The following IDH1 variants were observed in gnomAD, a reference collection of about 807,000 sequenced individuals.
IDH1 encodes isocitrate dehydrogenase [NADP] cytoplasmic.
Under a neutral mutation model 46.1 loss-of-function variants are expected in IDH1, and 33 were observed. That is an observed-to-expected ratio of 0.72 (90% CI 0.54 to 0.96). IDH1 has a LOEUF of 0.96. IDH1 is among the 40% of genes least tolerant of loss of function. IDH1 has a pLI of 0.00. For missense variants in IDH1, 421 were observed against 515.7 expected (o/e 0.82, Z 1.78); for synonymous variants, 144 against 172.8 (o/e 0.83, Z 1.31).
At chr2:208,250,262 C>G (rs1303099605) in intron 3 of IDH1, among the ~76,000 whole-genome samples, 1 of 150,602 alleles carries the variant, frequency 6.6e-6, no homozygotes, top group Non-Finnish European at 1.5e-5. Flanking sequence ...AGTTCACCTA[C>G]TGTCATGTAA....
At chr2:208,246,813 T>A (rs1483518687) in intron 4 of IDH1, among the ~76,000 whole-genome samples, 1 of 151,850 alleles carries the variant, frequency 6.6e-6, no homozygotes, top group Non-Finnish European at 1.5e-5. Context: ...CATGGTAGCA[T>A]GTGCCTGTAA....
chr2:208,251,013 A>G (rs1424829829), intron 3 of IDH1, among the ~76,000 whole-genome samples: 2 of 152,236 alleles, frequency 1.3e-5, no homozygotes, highest in Non-Finnish European at 2.9e-5. Flanking sequence ...CTTCACAGGA[A>G]ACAGAAGGTT....
chr2:208,237,345 G>A (rs762031041), intron 9 of IDH1, among the ~76,000 whole-genome samples, 176 bp from the exon 10 acceptor site: 1 of 151,820 alleles, frequency 6.6e-6, no homozygotes, highest in Non-Finnish European at 1.5e-5. Flanking sequence ...GGTTCCTGGG[G>A]CTGACCCAGG....
At chr2:208,248,141 T>G in intron 4 of IDH1, 1 of 578,980 alleles carries the variant, frequency 1.7e-6, no homozygotes, top group South Asian at 2.1e-5. Flanking sequence ...AAACAGCATG[T>G]TTGAAAAAAA....
intron 2 of IDH1, among the ~76,000 whole-genome samples, chr2:208,252,589 C>T (rs1688144064): frequency 6.6e-6 from 1 of 152,136 alleles, no homozygotes; most frequent in South Asian, 2.1e-4. Context: ...TTTAATCCAA[C>T]AACACAGCTG....
intron 1 of IDH1, among the ~76,000 whole-genome samples, chr2:208,254,735 A>T (rs1688183693): frequency 6.6e-6 from 1 of 151,456 alleles, no homozygotes; most frequent in South Asian, 2.1e-4. Flanking sequence ...CCTTCTGCAT[A>T]TCCAAGCATC....
intron 6 of IDH1, 93 bp from the exon 7 acceptor site, chr2:208,242,238 C>T: frequency 8.8e-7 from 1 of 1,142,850 alleles, no homozygotes. Context: ...ACCGGACACA[C>T]AAGAAGCAGC....
At chr2:208,243,746 C>A in intron 5 of IDH1, 142 bp from the exon 6 acceptor site, 1 of 735,234 alleles carries the variant, frequency 1.4e-6, no homozygotes. Flanking sequence ...AAGTCCCAGA[C>A]AGGTTTCCAA....
At chr2:208,240,104 T>C in intron 7 of IDH1, 101 bp from the exon 8 acceptor site, 1 of 1,245,378 alleles carries the variant, frequency 8.0e-7, no homozygotes, top group East Asian at 2.4e-5. Flanking sequence ...TAGGTCTTGG[T>C]AAGCAAAGTA....
chr2:208,239,986 T>C lies in IDH1; in HGVS notation c.868A>G (p.Met290Val), dbSNP rs1032066742. Residue 290 changes from methionine (M) to valine (V), a missense_variant, in exon 8 of 10, where the codon ATG becomes GTG. Physicochemically the swap from Met to Val is conservative, Grantham distance 21. Coordinates refer to ENST00000345146, the MANE Select transcript of IDH1 (RefSeq NM_005896.4). The part of the protein sequence containing the change: ...SVAQGYGSLG[M>V]MTSVLVCPDG... ...GGACAAACCAGCACGCTGGTCATCA[T>C]GCCGAGAGAGCCATACCCTGTAAGT... 3.1e-6 allele frequency: 5 copies of C among 1,614,112 alleles called. No homozygotes were observed. The Admixed American group carries it at 8.3e-5, about 27-fold the overall frequency.
At chr2:208,251,336 T>G in intron 3 of IDH1, 94 bp downstream of exon 3, 1 of 1,350,898 alleles carries the variant, frequency 7.4e-7, no homozygotes, top group South Asian at 1.2e-5. Context: ...CTCCTGCCTC[T>G]GCCTCCTAAG....
chr2:208,247,287 G>A (rs1688040509), intron 4 of IDH1: 1 of 152,148 alleles, frequency 6.6e-6, no homozygotes, highest in Non-Finnish European at 1.5e-5. Flanking sequence ...TGAAACCTCA[G>A]TTTCAACACT....
intron 2 of IDH1, among the ~76,000 whole-genome samples, chr2:208,253,449 C>G (rs1688158743): frequency 6.6e-6 from 1 of 152,216 alleles, no homozygotes; most frequent in Non-Finnish European, 1.5e-5. Context: ...TTTGTTGCCC[C>G]TCAGATTTTG....
intron 9 of IDH1, among the ~76,000 whole-genome samples, chr2:208,238,536 A>G (rs560029371): frequency 2.2e-3 from 341 of 152,310 alleles, no homozygotes; most frequent in African/African-American, 7.5e-3. Context: ...TTGCCCAAAT[A>G]TTGGTTACAG....
At chr2:208,250,485 A>G (rs1688102666) in intron 3 of IDH1, among the ~76,000 whole-genome samples, 1 of 152,168 alleles carries the variant, frequency 6.6e-6, no homozygotes. Context: ...ACAGGTCCTT[A>G]GGACAAATTT....
At chr2:208,250,665 G>GA (rs993479600) in intron 3 of IDH1, among the ~76,000 whole-genome samples, 3 of 151,976 alleles carry the variant, frequency 2.0e-5, no homozygotes, top group African/African-American at 7.3e-5. Flanking sequence ...AAAACACAGC[G>GA]AAAAAAATGA....
rs1215641656 is a variant in IDH1 at position 208,239,855 on chromosome 2, C to G, written c.991+8G>C. ...TCTGGTGAGAAATCAATGTAAACAC[C>G]ATCTTACCAATGGGATTGGTGGACG... On this transcript the variant is annotated splice_region_variant and intron_variant, in intron 8 of 9. Transcript: ENST00000345146. 7 of 1,613,928 alleles carry G rather than the reference C, an allele frequency of 4.3e-6. No individual in the cohort carries two copies. Among genetic ancestry groups the G allele is most frequent in the Non-Finnish European group, 5.9e-6 (7 of 1,179,946 alleles).
At chr2:208,251,330 T>C in intron 3 of IDH1, 100 bp downstream of exon 3, 16 of 1,264,610 alleles carry the variant, frequency 1.3e-5, no homozygotes, top group South Asian at 2.4e-5. Flanking sequence ...GGGATCCTCC[T>C]GCCTCTGCCT....
chr2:208,251,233 T>G, intron 3 of IDH1, 197 bp downstream of exon 3: 2 of 478,854 alleles, frequency 4.2e-6, no homozygotes, highest in Non-Finnish European at 7.4e-6. Flanking sequence ...TTTTTTCCTG[T>G]TTCTCCTTCC....
Sources: gnomAD v4.1 joint callset for allele counts (sites outside exome capture counted in the v4.1 genomes callset) on GRCh38, gnomAD v4.1.1 for gene constraint, MANE v1.5 for transcripts, NCBI Gene and HGNC (gene_info 2026-07-23, HGNC 2026-07-21) for gene names.